COL24A1: variants seen among roughly 807,000 people sequenced by gnomAD.
COL24A1 encodes collagen alpha-1(XXIV) chain.
Under a neutral mutation model 253.9 loss-of-function variants are expected in COL24A1, and 224 were observed. That is an observed-to-expected ratio of 0.88 (90% CI 0.79 to 0.99). The LOEUF is 0.99. Ranked by LOEUF, COL24A1 falls within the 50% of genes least tolerant of loss-of-function variation. The probability of loss-of-function intolerance (pLI) is 0.00; values close to 1 mark genes in which losing one functional copy is unlikely to be tolerated. For synonymous variants in COL24A1, 685 were observed against 673.7 expected, an observed-to-expected ratio of 1.02 and a Z score of -0.26; for missense variants, 2,131 against 2,068.5, an observed-to-expected ratio of 1.03 and a Z score of -0.59.
At chr1:85,963,671 C>T (rs569368040) in intron 23 of COL24A1, among the ~76,000 whole-genome samples, 23 of 152,200 alleles carry the variant, frequency 1.5e-4, no homozygotes, top group East Asian at 9.7e-4. Flanking sequence ...TGTATTGAAA[C>T]GCAAATTTCA....
chr1:86,018,348 T>C (rs1172538268), intron 18 of COL24A1, among the ~76,000 whole-genome samples: 1 of 152,212 alleles, frequency 6.6e-6, no homozygotes, highest in Non-Finnish European at 1.5e-5. Flanking sequence ...TGAAATATTA[T>C]GGAAAGGCTC....
At chr1:85,829,337 T>C (rs1344859315) in intron 43 of COL24A1, among the ~76,000 whole-genome samples, 2 of 151,686 alleles carry the variant, frequency 1.3e-5, no homozygotes, top group Admixed American at 1.3e-4. Context: ...CCGACCTTTC[T>C]CTCTGGCTGC....
intron 37 of COL24A1, among the ~76,000 whole-genome samples, chr1:85,855,903 C>A (rs1192247485): frequency 9.9e-5 from 15 of 152,116 alleles, no homozygotes; most frequent in Non-Finnish European, 1.9e-4. Flanking sequence ...GTTTCAGTTT[C>A]TTCCTGGTTC....
chr1:86,156,073 G>A, intron 1 of COL24A1: 1 of 358,904 alleles, frequency 2.8e-6, no homozygotes, highest in Non-Finnish European at 5.0e-6. Flanking sequence ...CCTGGACCTC[G>A]GGACTCGCGC....
intron 44 of COL24A1, 46 bp from the exon 45 acceptor site, chr1:85,823,635 A>G: frequency 1.2e-6 from 2 of 1,613,164 alleles, no homozygotes; most frequent in South Asian, 1.1e-5. Flanking sequence ...GCAGAGACCA[A>G]ATAAGTTATA....
At chr1:86,059,747 A>G (rs1364025711) in intron 8 of COL24A1, among the ~76,000 whole-genome samples, 1 of 152,202 alleles carries the variant, frequency 6.6e-6, no homozygotes, top group East Asian at 1.9e-4. Context: ...CTCAAAATTC[A>G]TGTTAAAATC....
At chr1:86,146,496 G>A (rs1479978766) in intron 1 of COL24A1, among the ~76,000 whole-genome samples, 1 of 151,528 alleles carries the variant, frequency 6.6e-6, no homozygotes, top group Non-Finnish European at 1.5e-5. Context: ...CTGGCACATA[G>A]GAAACATTCA....
At chr1:86,085,519 T>C (rs1393256509) in intron 7 of COL24A1, among the ~76,000 whole-genome samples, 1 of 152,196 alleles carries the variant, frequency 6.6e-6, no homozygotes, top group African/African-American at 2.4e-5. Context: ...AGAAAAACTG[T>C]TTCAATTAGA....
intron 10 of COL24A1, among the ~76,000 whole-genome samples, chr1:86,052,847 A>G (rs6658643): frequency 0.11 from 16,045 of 152,016 alleles, 922 homozygotes; most frequent in Middle Eastern, 0.2. Flanking sequence ...TTTCCTTAGA[A>G]TTTAGTTAAG....
chr1:86,156,664 G>T lies in COL24A1; in HGVS notation c.-268C>A. 3.0e-6 allele frequency: 1 copy of T among 329,226 alleles called. No individual in the cohort carries two copies. The highest frequency in any genetic ancestry group is 7.4e-5 in the South Asian group (1 of 13,440). The allele number at this position is 329,226 out of a possible 1,614,324, so 20.4% of individuals were successfully genotyped here. On this transcript the variant is annotated 5_prime_UTR_variant, in exon 1 of 60. Coordinates refer to ENST00000370571, the MANE Select transcript of COL24A1 (RefSeq NM_152890.7). ...GCGCTCCCCGGGGAGGGCGGGCGAG[G>T]AGGTAAACCTCACTGGGAGGCCTCG...
chr1:85,967,224 T>C (rs1691656297), intron 22 of COL24A1, among the ~76,000 whole-genome samples: 1 of 152,110 alleles, frequency 6.6e-6, no homozygotes, highest in Non-Finnish European at 1.5e-5. Context: ...CTCAGGGAAG[T>C]AGGATGCAAG....
chr1:86,071,222 C>T (rs757921917), intron 7 of COL24A1, among the ~76,000 whole-genome samples: 30 of 151,362 alleles, frequency 2.0e-4, no homozygotes, highest in Non-Finnish European at 3.8e-4. Flanking sequence ...TCATGGTAAC[C>T]TCAAACCAAA....
chr1:86,085,211 T>C (rs1702975300), intron 7 of COL24A1, among the ~76,000 whole-genome samples: 1 of 152,192 alleles, frequency 6.6e-6, no homozygotes, highest in African/African-American at 2.4e-5. Context: ...TGCATTCCAC[T>C]TGATGCTTTT....
chr1:85,800,603 AG>A (rs1161215542), intron 47 of COL24A1, among the ~76,000 whole-genome samples: 1 of 152,050 alleles, frequency 6.6e-6, no homozygotes, highest in Non-Finnish European at 1.5e-5. Context: ...AAGTGATGTC[AG>A]GAAGCCAGAA....
intron 24 of COL24A1, among the ~76,000 whole-genome samples, chr1:85,955,170 C>T (rs1316570146): frequency 6.6e-6 from 1 of 152,202 alleles, no homozygotes; most frequent in Non-Finnish European, 1.5e-5. Context: ...AGCAGGCCAT[C>T]TACGGGGAGA....
chr1:86,064,269 C>T (rs1422586970), intron 7 of COL24A1, among the ~76,000 whole-genome samples: 1 of 152,096 alleles, frequency 6.6e-6, no homozygotes, highest in Non-Finnish European at 1.5e-5. Context: ...CATGAGGCTG[C>T]TTACAGGTTC....
At position 85,886,669 on chromosome 1, in the gene COL24A1, A is replaced by C. The variant is rs575409997; in HGVS notation, c.2976+2891T>G. ...GACAGAGCGAGACTCTGTCTTAAAA[A>C]AGAAAAAAAAAATGGTTGCTAAATT... On this transcript the variant is annotated intron_variant, in intron 32 of 59. Transcript: ENST00000370571. Among the ~76,000 whole-genome samples the C allele has an allele frequency of 1.1e-4, 16 of 152,192 alleles. No individual in the cohort carries two copies. The South Asian group carries it at 1.9e-3, about 18-fold the overall frequency.
intron 19 of COL24A1, among the ~76,000 whole-genome samples, chr1:86,012,307 TG>T (rs1696572337): frequency 6.6e-6 from 1 of 152,090 alleles, no homozygotes; most frequent in Non-Finnish European, 1.5e-5. Flanking sequence ...ATTGCCCTAC[TG>T]GCCAGGTGCG....
At chr1:85,779,743 T>C (rs1046329489) in intron 52 of COL24A1, among the ~76,000 whole-genome samples, 21 of 152,198 alleles carry the variant, frequency 1.4e-4, no homozygotes, top group Non-Finnish European at 4.4e-5. Flanking sequence ...GATCTGTTTA[T>C]TTCTTTGTAT....
Sources: allele counts gnomAD v4.1 joint callset (sites outside exome capture counted in the v4.1 genomes callset), GRCh38; gene constraint gnomAD v4.1.1; transcripts MANE v1.5; gene names NCBI Gene and HGNC (gene_info 2026-07-23, HGNC 2026-07-21).